The following NAALADL2 variants were observed in gnomAD, a reference collection of about 807,000 sequenced individuals.
NAALADL2 encodes N-acetylated alpha-linked acidic dipeptidase like 2, also known as inactive N-acetylated-alpha-linked acidic dipeptidase-like protein 2.
A neutral mutation model predicts 87.2 loss-of-function variants in NAALADL2; 76 were observed. The ratio of observed to expected loss-of-function variants is 0.87; its 90% CI spans 0.72 to 1.05. The LOEUF is 1.05. Ranked by LOEUF, NAALADL2 falls within the 50% of genes least tolerant of loss-of-function variation. The pLI, the probability that NAALADL2 is intolerant of heterozygous loss-of-function variation, is 0.00. For missense variants in NAALADL2, 1,089 were observed against 945.8 expected (o/e 1.15, Z -1.99); for synonymous variants, 354 against 331.0 (o/e 1.07, Z -0.75).
intron 9 of NAALADL2, among the ~76,000 whole-genome samples, chr3:175,566,691 G>A (rs191633869): frequency 2.8e-4 from 42 of 152,072 alleles, no homozygotes; most frequent in African/African-American, 9.2e-4. Context: ...CGCTTTATGT[G>A]TCTTTTATGT....
intron 1 of NAALADL2, among the ~76,000 whole-genome samples, chr3:175,084,061 A>G (rs1046080369): frequency 1.3e-5 from 2 of 152,202 alleles, no homozygotes; most frequent in South Asian, 2.1e-4. Flanking sequence ...TGAAGGTCTT[A>G]TATGCTTTGG....
Position 175,359,549 on chromosome 3 carries a change from C to A in NAALADL2, c.1090+35224C>A, listed in dbSNP as rs577222697. On this transcript the variant is annotated intron_variant, in intron 5 of 13. Coordinates refer to ENST00000454872, the MANE Select transcript of NAALADL2 (RefSeq NM_207015.3). ...GAGAGAAATAATGACATTTTTAATT[C>A]AATTTTATCAAGTCATGAACTGTTT... Among the ~76,000 whole-genome samples the A allele has an allele frequency of 3.3e-5, 5 of 152,022 alleles. No individual in the cohort carries two copies. In the South Asian group the frequency reaches 8.3e-4, roughly 25 times the overall value.
At position 175,123,983 on chromosome 3, in the gene NAALADL2, G is replaced by C. The variant is rs1193765085; in HGVS notation, c.545+26692G>C. Among the ~76,000 whole-genome samples, 3 of 152,026 alleles carry C rather than the reference G, an allele frequency of 2.0e-5. No individual in the cohort carries two copies. In the East Asian group the frequency reaches 5.8e-4, roughly 29 times the overall value. ...GATAGTTTTTTTCCTCTTAAGGAAA[G>C]AGAAAAGAACATCAGGGTAGCCATC... On this transcript the variant is annotated intron_variant, in intron 2 of 13. Coordinates refer to ENST00000454872, the MANE Select transcript of NAALADL2 (RefSeq NM_207015.3).
chr3:174,763,744 T>C (rs1442392391), intron 3 of NAALADL2, among the ~76,000 whole-genome samples: 4 of 150,008 alleles, frequency 2.7e-5, no homozygotes, highest in Non-Finnish European at 5.9e-5. Context: ...ATGAGAGTTG[T>C]AGAGTGAAAT....
At chr3:175,290,045 AT>A (rs1444301825) in intron 4 of NAALADL2, among the ~76,000 whole-genome samples, 1 of 152,222 alleles carries the variant, frequency 6.6e-6, no homozygotes, top group Non-Finnish European at 1.5e-5. Flanking sequence ...AATCTATCAA[AT>A]GACTAGCATT....
At chr3:175,534,337 C>A (rs183713671) in intron 9 of NAALADL2, among the ~76,000 whole-genome samples, 1 of 152,144 alleles carries the variant, frequency 6.6e-6, no homozygotes, top group African/African-American at 2.4e-5. Context: ...ATCACAAGGT[C>A]CCACAATAGG....
chr3:175,007,316 C>G (rs1223307565), intron 1 of NAALADL2, among the ~76,000 whole-genome samples: 1 of 151,996 alleles, frequency 6.6e-6, no homozygotes, highest in Non-Finnish European at 1.5e-5. Flanking sequence ...GAAATGGTTG[C>G]AGTTGTGTTG....
At chr3:175,468,942 A>G (rs1724489053) in intron 8 of NAALADL2, among the ~76,000 whole-genome samples, 1 of 152,068 alleles carries the variant, frequency 6.6e-6, no homozygotes, top group South Asian at 2.1e-4. Flanking sequence ...TGATAATTGT[A>G]TATTTTCTTA....
At chr3:175,783,706 C>A (rs1389278177) in intron 13 of NAALADL2, among the ~76,000 whole-genome samples, 1 of 151,244 alleles carries the variant, frequency 6.6e-6, no homozygotes, top group African/African-American at 2.4e-5. Context: ...CCTTCTCCTG[C>A]CTAATTGCCC....
intron 1 of NAALADL2, among the ~76,000 whole-genome samples, chr3:174,991,547 C>T (rs1482321494): frequency 1.3e-5 from 2 of 151,898 alleles, no homozygotes; most frequent in Non-Finnish European, 2.9e-5. Context: ...TCAGATGTGT[C>T]CTGCATCTTA....
chr3:175,000,977 G>A (rs369325048), intron 1 of NAALADL2, among the ~76,000 whole-genome samples: 11 of 152,148 alleles, frequency 7.2e-5, no homozygotes, highest in South Asian at 2.1e-4. Context: ...AAAACACTGC[G>A]GCATGCGCAG....
In NAALADL2 at chr3:175,037,700, G is replaced by T. The variant is rs546090381; in HGVS notation, c.44-59090G>T. Among the ~76,000 whole-genome samples the T allele has an allele frequency of 5.8e-4, 89 of 152,242 alleles. 1 individual carries two copies. The highest frequency in any genetic ancestry group is 1.9e-3 in the African/African-American group (78 of 41,528). On this transcript the variant is annotated intron_variant, in intron 1 of 13. Transcript: ENST00000454872. ...CCTCATGCCTGCTTCTACCTCCTGT[G>T]TGAGCCTTTTTCCTAGGTAGATCAT...
At chr3:174,687,209 TC>T (rs1008933417) in intron 2 of NAALADL2, among the ~76,000 whole-genome samples, 9 of 152,114 alleles carry the variant, frequency 5.9e-5, no homozygotes, top group Non-Finnish European at 1.5e-5. Context: ...AACCCTCCTT[TC>T]TCGAGCCTTT....
chr3:175,142,866 A>G (rs1730203946), intron 2 of NAALADL2, among the ~76,000 whole-genome samples: 1 of 152,034 alleles, frequency 6.6e-6, no homozygotes, highest in African/African-American at 2.4e-5. Flanking sequence ...TCATTAGTAT[A>G]TCTTTTCATT....
intron 3 of NAALADL2, among the ~76,000 whole-genome samples, chr3:174,831,560 TA>T (rs1195057566): frequency 1.3e-5 from 2 of 150,454 alleles, no homozygotes; most frequent in Non-Finnish European, 3.0e-5. Flanking sequence ...GATATTGGTC[TA>T]AAATTCTCTT....
intron 2 of NAALADL2, among the ~76,000 whole-genome samples, chr3:175,223,881 A>C (rs868271530): frequency 4.6e-5 from 7 of 152,296 alleles, no homozygotes; most frequent in Middle Eastern, 3.4e-3. Flanking sequence ...AAATGTCTGG[A>C]GGTACTAGAG....
intron 9 of NAALADL2, among the ~76,000 whole-genome samples, chr3:175,523,692 C>T (rs1732992549): frequency 6.6e-6 from 1 of 152,174 alleles, no homozygotes. Flanking sequence ...TGTCCTTCCC[C>T]TTTTGTCTAG....
At chr3:174,627,335 T>G (rs571897251) in intron 2 of NAALADL2, among the ~76,000 whole-genome samples, 1 of 152,040 alleles carries the variant, frequency 6.6e-6, no homozygotes, top group African/African-American at 2.4e-5. Context: ...GAAAAAAAAG[T>G]TCAGCATCTC....
chr3:175,723,773 A>G (rs201117169), intron 11 of NAALADL2, among the ~76,000 whole-genome samples: 2,277 of 152,180 alleles, frequency 0.015, 56 homozygotes, highest in African/African-American at 0.051. Flanking sequence ...CTTTAAAAAA[A>G]TCCTTCCATC....
Sources: gnomAD v4.1 joint callset for allele counts (sites outside exome capture counted in the v4.1 genomes callset) on GRCh38, gnomAD v4.1.1 for gene constraint, MANE v1.5 for transcripts, NCBI Gene and HGNC (gene_info 2026-07-23, HGNC 2026-07-21) for gene names.